The following PLXNA3 variants were observed in gnomAD, a reference collection of about 807,000 sequenced individuals.
PLXNA3 encodes plexin-A3.
PLXNA3 carries 52 observed loss-of-function variants against 118.8 expected under a neutral mutation model. The ratio of observed to expected loss-of-function variants is 0.44; its 90% CI spans 0.35 to 0.55. The LOEUF is 0.55. Among genes scored for constraint, PLXNA3 ranks in the 20% least tolerant of loss-of-function variants. The pLI is 0.01. For synonymous variants in PLXNA3, 925 were observed against 762.4 expected (o/e 1.21, Z -3.51); for missense variants, 1,660 against 1,730.8 (o/e 0.96, Z 0.73).
chrX:154,465,236 G>C lies in PLXNA3; in HGVS notation c.2244+18G>C. 1.7e-6 allele frequency: 2 copies of C among 1,187,127 alleles called. No individual in the cohort carries two copies. The highest frequency in any genetic ancestry group is 1.1e-6 in the Non-Finnish European group (1 of 877,992). On this transcript the variant is annotated intron_variant, in intron 11 of 32. Transcript: ENST00000369682. Reference sequence around the variant, plus strand: ...ACGCCTCGGTGAGGTCCCACCCGCTGCCTCCCTTCGGGGTCTGGGCTGTGG... The same window carrying C: ...ACGCCTCGGTGAGGTCCCACCCGCTCCCTCCCTTCGGGGTCTGGGCTGTGG...
Position 154,460,345 on chromosome X carries a change from TAAGCTGGCCCCC to T in PLXNA3, c.165_176del (p.Lys55_Pro58del). The T allele has an allele frequency of 2.5e-6, 3 of 1,210,563 alleles. No homozygotes were observed. The highest frequency in any genetic ancestry group is 3.4e-6 in the Non-Finnish European group (3 of 895,035). On this transcript the variant is annotated inframe_deletion, in exon 2 of 33. Coordinates refer to ENST00000369682, the MANE Select transcript of PLXNA3 (RefSeq NM_017514.5). ...TCGTGGGCGCAGTGAACCGAGTCTT[TAAGCTGGCCCCC>T]AACCTGACTGAGCTGCGGGCCCATG...
Position 154,470,585 on chromosome X carries a change from T to A in PLXNA3, c.5130T>A (p.Asp1710Glu), listed in dbSNP as rs148101420. 1.7e-6 allele frequency: 2 copies of A among 1,211,105 alleles called. No individual in the cohort carries two copies. The highest frequency in any genetic ancestry group is 2.2e-6 in the Non-Finnish European group (2 of 895,199). Reference protein sequence around the residue: ...QADQRQISDPDVRHTWKSNCL... With the variant: ...QADQRQISDPEVRHTWKSNCL... ...ACCAGCGCCAGATCAGCGACCCCGA[T>A]GTGCGCCACACCTGGAAGAGCAACT... The change falls in exon 30 of 33, where the codon GAT (aspartate) becomes GAA (glutamate). Residue 1710 changes from aspartate (D) to glutamate (E), a missense_variant. This residue lies in a region of PLXNA3 where 869 missense variants were observed against 1,078.7 expected (regional missense o/e 0.81). Coordinates refer to ENST00000369682, the MANE Select transcript of PLXNA3 (RefSeq NM_017514.5).
chrX:154,462,313 G>A lies in PLXNA3; in HGVS notation c.1317+3G>A, dbSNP rs782665679. ...CGCGCAGCGGCAGCTTGAAGAAGGTGGCCCCCAGAGCCCTGGGCATGTGGG... is the reference window on the plus strand; with the variant it reads ...CGCGCAGCGGCAGCTTGAAGAAGGTAGCCCCCAGAGCCCTGGGCATGTGGG... On this transcript the variant is annotated splice_donor_region_variant and intron_variant, in intron 4 of 32. Coordinates refer to ENST00000369682, the MANE Select transcript of PLXNA3 (RefSeq NM_017514.5). The A allele has an allele frequency of 2.6e-6, 3 of 1,141,650 alleles. No homozygotes were observed. Among genetic ancestry groups the A allele is most frequent in the East Asian group, 6.4e-5 (2 of 31,088 alleles). 94.1% of individuals were successfully genotyped at this position (1,141,650 alleles called of 1,213,427 possible). A position where few individuals can be genotyped will look rare whatever the true frequency, so the allele number is the denominator to read the frequency against.
intron 1 of PLXNA3, among the ~76,000 whole-genome samples, chrX:154,459,829 AG>A: frequency 1.8e-5 from 2 of 112,886 alleles, no homozygotes. Flanking sequence ...GGCAGCCCAG[AG>A]GCCTGGGGCT....
In PLXNA3 at chrX:154,464,492, T is replaced by C. The variant is rs2069040915; in HGVS notation, c.1919T>C (p.Val640Ala). 1 of 1,203,068 alleles carries C rather than the reference T, an allele frequency of 8.3e-7. No individual in the cohort carries two copies. The highest frequency in any genetic ancestry group is 1.7e-5 in the African/African-American group (1 of 57,232). The change falls in exon 9 of 33, where the codon GTC (valine) becomes GCC (alanine). Residue 640 changes from valine (V) to alanine (A), a missense_variant. Coordinates refer to ENST00000369682, the MANE Select transcript of PLXNA3 (RefSeq NM_017514.5). The part of the protein sequence containing the change: ...GADFVFYNCS[V>A]LQSCMSCVGS... ...GACTTTGTCTTCTACAACTGCAGCG[T>C]CCTCCAGTCGTGAGTACCTGGCCAG...
intron 4 of PLXNA3, 128 bp from the exon 5 acceptor site, chrX:154,463,263 G>A: frequency 2.1e-6 from 2 of 952,465 alleles, no homozygotes; most frequent in Non-Finnish European, 3.0e-6. Flanking sequence ...CCGGGCTGTG[G>A]GTGTGAGTGC....
Position 154,474,602 on chromosome X carries a change from C to T in PLXNA3, c.*1917C>T, listed in dbSNP as rs1300235223. The T allele has an allele frequency of 3.8e-5, 4 of 106,477 alleles. No individual in the cohort carries two copies. Among genetic ancestry groups the T allele is most frequent in the African/African-American group, 6.9e-5 (2 of 29,069 alleles). 8.8% of individuals were successfully genotyped at this position (106,477 alleles called of 1,213,427 possible). A position where few individuals can be genotyped will look rare whatever the true frequency, so the allele number is the denominator to read the frequency against. Reference sequence around the variant, plus strand: ...ACGCCATTCTCCTGCCTCAGCCTCCCGAATAGCTGGAACTACAGGTGCCCA... The same window carrying T: ...ACGCCATTCTCCTGCCTCAGCCTCCTGAATAGCTGGAACTACAGGTGCCCA... On this transcript the variant is annotated 3_prime_UTR_variant, in exon 33 of 33. Transcript: ENST00000369682.
intron 27 of PLXNA3, 55 bp from the exon 28 acceptor site, chrX:154,469,633 G>A: frequency 9.1e-7 from 1 of 1,093,565 alleles, no homozygotes. Context: ...GTGGGTGGGG[G>A]CGCCTTGGCT....
At chrX:154,461,059 A>G in intron 2 of PLXNA3, 40 bp from the exon 3 acceptor site, 6 of 1,111,190 alleles carry the variant, frequency 5.4e-6, no homozygotes, top group Non-Finnish European at 7.3e-6. Context: ...ATGTTGGCAC[A>G]GGGCCTCACC....
chrX:154,466,447 C>T lies in PLXNA3; in HGVS notation c.2871C>T (p.Gly957=). 1 of 1,210,922 alleles carries T rather than the reference C, an allele frequency of 8.3e-7. No individual in the cohort carries two copies. Among genetic ancestry groups the T allele is most frequent in the African/African-American group, 1.7e-5 (1 of 57,904 alleles). The change falls in exon 16 of 33, where the codon GGC becomes GGT. Residue 957 remains glycine (G), a synonymous_variant. Transcript: ENST00000369682. The part of the protein sequence containing the change: ...ASGGTRLTIS[G]SSLDAGSRVT... The stretch of plus-strand genomic sequence containing the variant: ...GGGGCACACGGCTTACCATCTCAGG[C>T]AGCTCTCTGGATGCTGGCAGCAGGG...
intron 4 of PLXNA3, 64 bp downstream of exon 4, chrX:154,462,374 G>GGTT: frequency 3.4e-6 from 3 of 872,586 alleles, no homozygotes; most frequent in Non-Finnish European, 4.7e-6. Flanking sequence ...CAAGGCTGGT[G>GGTT]GGAACACACG....
chrX:154,465,334 C>T, intron 11 of PLXNA3, 90 bp from the exon 12 acceptor site: 1 of 1,038,479 alleles, frequency 9.6e-7, no homozygotes, highest in Non-Finnish European at 1.3e-6. Context: ...CTAGGGATTC[C>T]TGTACCTGGA....
chrX:154,468,539 C>T lies in PLXNA3; in HGVS notation c.4200C>T (p.His1400=). The T allele has an allele frequency of 8.3e-7, 1 of 1,210,547 alleles. No individual in the cohort carries two copies. The highest frequency in any genetic ancestry group is 1.1e-6 in the Non-Finnish European group (1 of 895,091). Residue 1400 remains histidine, a synonymous_variant, in exon 23 of 33, where the codon CAC becomes CAT. Transcript: ENST00000369682. ...LIEKNLESKN[H]PKLLLRRTES... The stretch of plus-strand genomic sequence containing the variant: ...AGAAGAACCTCGAGAGCAAGAACCA[C>T]CCCAAGCTGCTGCTACGCAGGTACC...
Position 154,464,176 on chromosome X carries a change from A to G in PLXNA3, c.1691A>G (p.Asn564Ser). 1 of 1,209,511 alleles carries G rather than the reference A, an allele frequency of 8.3e-7. No individual in the cohort carries two copies. Among genetic ancestry groups the G allele is most frequent in the Middle Eastern group, 2.3e-4 (1 of 4,344 alleles). ...PGVQLTVTLH[N>S]VPDLSAGVSC... ...CCCCAGCTGACCGTCACCCTGCACA[A>G]CGTGCCAGACCTCAGTGCGGGCGTG... The change falls in exon 8 of 33, where the codon AAC (asparagine) becomes AGC (serine). Residue 564 changes from asparagine to serine, a missense_variant. Physicochemically the swap from Asn to Ser is conservative, Grantham distance 46 (BLOSUM62 1). Transcript: ENST00000369682.
chrX:154,472,735 C>T lies in PLXNA3; in HGVS notation c.*50C>T. Reference sequence around the variant, plus strand: ...GCTTCTCAGTCCTGTGCCGTCCTCCCATCCAGGGGAGTGGCTGGCTCAAGC... The same window carrying T: ...GCTTCTCAGTCCTGTGCCGTCCTCCTATCCAGGGGAGTGGCTGGCTCAAGC... On this transcript the variant is annotated 3_prime_UTR_variant, in exon 33 of 33. Transcript: ENST00000369682. 2.1e-6 allele frequency: 2 copies of T among 952,772 alleles called. No individual in the cohort carries two copies. Among genetic ancestry groups the T allele is most frequent in the South Asian group, 2.0e-5 (1 of 50,959 alleles). 78.5% of individuals were successfully genotyped at this position (952,772 alleles called of 1,213,427 possible). A position where few individuals can be genotyped will look rare whatever the true frequency, so the allele number is the denominator to read the frequency against.
chrX:154,472,647 C>A lies in PLXNA3; in HGVS notation c.5578C>A (p.Leu1860Met). The change falls in exon 33 of 33, where the codon CTG becomes ATG. Residue 1860 changes from leucine (L) to methionine (M), a missense_variant. Leu to Met is a conservative substitution (Grantham distance 15). Transcript: ENST00000369682. ...SCRKHKLRQK[L>M]EQIISLVSSD... ...TCGGAAGCATAAGTTGCGGCAGAAA[C>A]TGGAACAGATCATCAGCCTCGTGTC... 8.3e-7 allele frequency: 1 copy of A among 1,207,804 alleles called. No individual in the cohort carries two copies. Among genetic ancestry groups the A allele is most frequent in the Non-Finnish European group, 1.1e-6 (1 of 891,880 alleles).
At position 154,461,618 on chromosome X, in the gene PLXNA3, G is replaced by C. The variant is rs782607647; in HGVS notation, c.1114G>C (p.Glu372Gln). 2 of 1,194,923 alleles carry C rather than the reference G, an allele frequency of 1.7e-6. No individual in the cohort carries two copies. Among genetic ancestry groups the C allele is most frequent in the Non-Finnish European group, 2.2e-6 (2 of 890,743 alleles). The change falls in exon 3 of 33, where the codon GAG becomes CAG. Residue 372 changes from glutamate to glutamine, a missense_variant. By Grantham distance (29) the Glu-to-Gln change is conservative. Coordinates refer to ENST00000369682, the MANE Select transcript of PLXNA3 (RefSeq NM_017514.5). ...TLALPWLLNK[E>Q]LPCINTPMQI... The stretch of plus-strand genomic sequence containing the variant: ...GGCTCTGCCCTGGCTGCTGAACAAG[G>C]AGCTGCCCTGCATCAACACCGTGAG...
At chrX:154,463,762 G>A (rs1425881364) in intron 6 of PLXNA3, 72 bp downstream of exon 6, 14 of 993,625 alleles carry the variant, frequency 1.4e-5, no homozygotes, top group Middle Eastern at 3.7e-4. Context: ...ACACCCAGCC[G>A]TGCCCTTGCG....
At chrX:154,460,860 C>G (rs976709881) in intron 2 of PLXNA3, 83 bp downstream of exon 2, 2 of 759,154 alleles carry the variant, frequency 2.6e-6, no homozygotes, top group South Asian at 2.7e-5. Flanking sequence ...TGAGAGGGGA[C>G]TTTCGGCTCC....
Sources: allele counts gnomAD v4.1 joint callset (sites outside exome capture counted in the v4.1 genomes callset), GRCh38; gene constraint gnomAD v4.1.1; regional missense constraint gnomAD v4.1.1; transcripts MANE v1.5; gene names NCBI Gene and HGNC (gene_info 2026-07-23, HGNC 2026-07-21).